CACNA1B: variants seen among roughly 807,000 people sequenced by gnomAD.
CACNA1B encodes the protein voltage-dependent N-type calcium channel subunit alpha-1B.
In CACNA1B, 70 loss-of-function variants were observed where a neutral mutation model predicts 247.2. That is an observed-to-expected ratio of 0.28 (90% CI 0.23 to 0.35). The LOEUF is 0.35. Ranked by LOEUF, CACNA1B falls within the 10% of genes least tolerant of loss-of-function variation. CACNA1B has a pLI of 1.00. For synonymous variants in CACNA1B, 1,231 were observed against 1,294.4 expected (o/e 0.95, Z 1.05); for missense variants, 2,367 against 3,197.4 (o/e 0.74, Z 6.26).
intron 36 of CACNA1B, among the ~76,000 whole-genome samples, chr9:138,092,203 G>T (rs1446490796): frequency 6.6e-6 from 1 of 152,148 alleles, no homozygotes; most frequent in Non-Finnish European, 1.5e-5. Flanking sequence ...CAGACAACCG[G>T]TCTGACTAGA....
intron 18 of CACNA1B, among the ~76,000 whole-genome samples, chr9:138,022,810 G>T (rs938872634): frequency 7.4e-6 from 1 of 134,562 alleles, no homozygotes; most frequent in Non-Finnish European, 1.6e-5. Flanking sequence ...CACCGTGGGG[G>T]GGGGGGGCGG....
Position 138,120,714 on chromosome 9 carries a change from C to T in CACNA1B, c.6322C>T (p.Arg2108Trp), listed in dbSNP as rs777754000. Reference protein sequence around the residue: ...CRRERERRQERGRSQERRQPS... With the variant: ...CRRERERRQEWGRSQERRQPS... ...GCGGGAACGAGAGCGCCGGCAGGAG[C>T]GGGGCCGGTCCCAGGAGCGGAGGCA... Residue 2108 changes from arginine to tryptophan, a missense_variant, in exon 46 of 47, where the codon CGG becomes TGG. Physicochemically the swap from Arg to Trp is moderately radical, Grantham distance 101 (BLOSUM62 -3). Around this residue, in one of 12 missense-constraint regions of CACNA1B, gnomAD observed 773 missense variants for 779.4 expected, o/e 0.99. Coordinates refer to ENST00000371372, the MANE Select transcript of CACNA1B (RefSeq NM_000718.4). 22 of 1,530,652 alleles carry T rather than the reference C, an allele frequency of 1.4e-5. No individual in the cohort carries two copies. The highest frequency in any genetic ancestry group is 2.3e-5 in the Admixed American group (1 of 43,162). 94.8% of individuals were successfully genotyped at this position (1,530,652 alleles called of 1,614,324 possible). A position where few individuals can be genotyped will look rare whatever the true frequency, so the allele number is the denominator to read the frequency against.
At chr9:137,921,879 G>A (rs1388986948) in intron 6 of CACNA1B, among the ~76,000 whole-genome samples, 57 of 55,004 alleles carry the variant, frequency 1.0e-3, no homozygotes, top group African/African-American at 4.2e-3. Flanking sequence ...GATCAGCACT[G>A]CAGCCGCGCA....
rs944743773 is a variant in CACNA1B, at chr9:137,955,596, G to C, written c.1071-102G>C. Reference sequence around the variant, plus strand: ...CCTGAAGCAGCAGCCTGCAGCCTGCGTCTCCTGTCCCAGGCTTTCCCTGGT... The same window carrying C: ...CCTGAAGCAGCAGCCTGCAGCCTGCCTCTCCTGTCCCAGGCTTTCCCTGGT... On this transcript the variant is annotated intron_variant, in intron 7 of 46. Coordinates refer to ENST00000371372, the MANE Select transcript of CACNA1B (RefSeq NM_000718.4). This position sits in a 1 kb window ranked among gnomAD's most constrained non-coding sequence, Gnocchi z 6.9. The C allele has an allele frequency of 3.9e-6, 3 of 765,012 alleles. No homozygotes were observed. The highest frequency in any genetic ancestry group is 6.5e-6 in the Non-Finnish European group (3 of 463,298). The allele number at this position is 765,012 out of a possible 1,614,324, so 47.4% of individuals were successfully genotyped here.
intron 6 of CACNA1B, among the ~76,000 whole-genome samples, chr9:137,933,893 C>CA (rs565212635): frequency 6.1e-5 from 9 of 147,746 alleles, no homozygotes; most frequent in South Asian, 2.2e-4. Context: ...CATTATGGAA[C>CA]AAAAAAAAAA....
At position 138,096,633 on chromosome 9, in the gene CACNA1B, GT is replaced by G. The variant is rs1386736059; in HGVS notation, c.5222+23del. The G allele has an allele frequency of 3.7e-6, 6 of 1,606,762 alleles. No individual in the cohort carries two copies. In the African/African-American group the frequency reaches 5.4e-5, roughly 14 times the overall value. On this transcript the variant is annotated intron_variant, in intron 37 of 46. Coordinates refer to ENST00000371372, the MANE Select transcript of CACNA1B (RefSeq NM_000718.4). The stretch of plus-strand genomic sequence containing the variant: ...CGTGGTAAGTGAGCCGTGGTGCTCT[GT>G]GGTCCTTGGGGGTGGTCCATGCCCA...
chr9:137,955,581 C>T lies in CACNA1B; in HGVS notation c.1071-117C>T. On this transcript the variant is annotated intron_variant, in intron 7 of 46. Transcript: ENST00000371372. This position sits in a 1 kb window ranked among gnomAD's most constrained non-coding sequence, Gnocchi z 6.9. ...GGTGGCAGGGGCCTGCCTGAAGCAGCAGCCTGCAGCCTGCGTCTCCTGTCC... is the reference window on the plus strand; with the variant it reads ...GGTGGCAGGGGCCTGCCTGAAGCAGTAGCCTGCAGCCTGCGTCTCCTGTCC... 1.5e-6 allele frequency: 1 copy of T among 685,234 alleles called. No homozygotes were observed. The highest frequency in any genetic ancestry group is 2.5e-6 in the Non-Finnish European group (1 of 397,064). 42.4% of individuals were successfully genotyped at this position (685,234 alleles called of 1,614,324 possible).
intron 25 of CACNA1B, among the ~76,000 whole-genome samples, 159 bp from the exon 26 acceptor site, chr9:138,053,687 A>G (rs1959383829): frequency 1.2e-5 from 1 of 81,462 alleles, no homozygotes; most frequent in Admixed American, 1.7e-4. Flanking sequence ...CCCTTTCCTC[A>G]TGGCCCCACC....
chr9:137,935,041 A>G (rs1014696565), intron 6 of CACNA1B, among the ~76,000 whole-genome samples: 5 of 152,258 alleles, frequency 3.3e-5, no homozygotes, highest in African/African-American at 1.2e-4. Flanking sequence ...AGAAGGCACC[A>G]GAGAAAGGCA....
Position 137,917,156 on chromosome 9 carries a change from G to A in CACNA1B, c.776-85G>A, listed in dbSNP as rs1023172920. On this transcript the variant is annotated intron_variant, in intron 5 of 46. Coordinates refer to ENST00000371372, the MANE Select transcript of CACNA1B (RefSeq NM_000718.4). The surrounding 1 kb of genome is among the most constrained non-coding windows in gnomAD (Gnocchi z 5.5). ...GCTGGTTCCTGCCCACCTGCTGTGA[G>A]CTCTCCAGAGCCCAGGAATCCTGGT... 8.6e-6 allele frequency: 11 copies of A among 1,284,298 alleles called. No homozygotes were observed. The East Asian group carries it at 1.9e-4, about 22-fold the overall frequency. The allele number at this position is 1,284,298 out of a possible 1,614,324, so 79.6% of individuals were successfully genotyped here.
chr9:138,093,403 CAAAAAAAAAAAAAAA>C (rs58608297), intron 36 of CACNA1B, among the ~76,000 whole-genome samples: 1 of 43,256 alleles, frequency 2.3e-5, no homozygotes, highest in East Asian at 5.4e-4. Flanking sequence ...GACTCTGTCT[CAAAAAAAAAAAAAAA>C]AAAAAAAAAA....
intron 32 of CACNA1B, among the ~76,000 whole-genome samples, chr9:138,070,412 C>T (rs559177842): frequency 6.6e-6 from 1 of 152,254 alleles, no homozygotes; most frequent in African/African-American, 2.4e-5. Context: ...GAAGCTCCCC[C>T]ATTCGCATGT....
chr9:137,997,501 A>G (rs1958514180), intron 15 of CACNA1B, among the ~76,000 whole-genome samples: 1 of 152,224 alleles, frequency 6.6e-6, no homozygotes. Flanking sequence ...TTCTAGATAA[A>G]TTAAAAGACA....
intron 35 of CACNA1B, among the ~76,000 whole-genome samples, chr9:138,077,426 G>A (rs1960366144): frequency 6.6e-6 from 1 of 152,076 alleles, no homozygotes; most frequent in Non-Finnish European, 1.5e-5. Flanking sequence ...AGATGGGGGT[G>A]AAGTCAGGGA....
chr9:137,879,302 G>A (rs1956884824), intron 2 of CACNA1B, 143 bp downstream of exon 2: 3 of 619,994 alleles, frequency 4.8e-6, no homozygotes, highest in Non-Finnish European at 8.6e-6. Flanking sequence ...GGTAGGCCTG[G>A]CAGATAACAC....
intron 6 of CACNA1B, among the ~76,000 whole-genome samples, chr9:137,946,140 C>A (rs781549670): frequency 1.3e-5 from 2 of 152,112 alleles, no homozygotes; most frequent in Non-Finnish European, 2.9e-5. Context: ...TTTAAAACAA[C>A]AGTCATTTTA....
chr9:138,049,377 G>A, intron 24 of CACNA1B, 62 bp downstream of exon 24: 1 of 1,090,060 alleles, frequency 9.2e-7, no homozygotes, highest in Non-Finnish European at 1.4e-6. Context: ...GGGCGTGAGG[G>A]TGAGGGAATA....
At chr9:138,070,412 C>G (rs559177842) in intron 32 of CACNA1B, among the ~76,000 whole-genome samples, 38 of 152,372 alleles carry the variant, frequency 2.5e-4, no homozygotes, top group African/African-American at 8.9e-4. Context: ...GAAGCTCCCC[C>G]ATTCGCATGT....
At chr9:137,922,340 A>G (rs549926817) in intron 6 of CACNA1B, among the ~76,000 whole-genome samples, 4 of 147,820 alleles carry the variant, frequency 2.7e-5, no homozygotes, top group African/African-American at 5.1e-5. Context: ...CACCGCGATC[A>G]CACAGCATCC....
Sources: gnomAD v4.1 joint callset for allele counts (sites outside exome capture counted in the v4.1 genomes callset) on GRCh38, gnomAD v4.1.1 for gene constraint, gnomAD v4.1.1 regional missense constraint, Gnocchi (gnomAD v3.1) non-coding constraint, MANE v1.5 for transcripts, NCBI Gene and HGNC (gene_info 2026-07-23, HGNC 2026-07-21) for gene names.